KMT2D: variants seen among roughly 807,000 people sequenced by gnomAD.
KMT2D encodes the protein histone-lysine N-methyltransferase 2D.
Under a neutral mutation model 512.7 loss-of-function variants are expected in KMT2D, and 55 were observed. The ratio of observed to expected loss-of-function variants is 0.11; its 90% confidence interval spans 0.09 to 0.13. KMT2D has a LOEUF of 0.13. Among genes scored for constraint, KMT2D ranks in the 10% least tolerant of loss-of-function variants. KMT2D has a pLI of 1.00. For missense variants in KMT2D, 6,061 were observed against 7,127.9 expected (o/e 0.85, Z 5.39); for synonymous variants, 2,995 against 2,904.0 (o/e 1.03, Z -1.01).
At chr12:49,027,745 C>T (rs946961174) in intron 48 of KMT2D, 58 bp downstream of exon 48, 37 of 1,548,710 alleles carry the variant, frequency 2.4e-5, no homozygotes, top group South Asian at 1.3e-4. Context: ...TGAGCCACCG[C>T]GCCTGGCCGG....
rs2120387807 is a variant in KMT2D, at chr12:49,028,916, A to G, written c.14294T>C (p.Val4765Ala). 6.2e-7 allele frequency: 1 copy of G among 1,613,884 alleles called. No homozygotes were observed. Among genetic ancestry groups the G allele is most frequent in the African/African-American group, 1.3e-5 (1 of 74,996 alleles). ...AGTTGTGACAGGCAGCTTTCCAGGG[A>G]CCTCCAGGCCAAGGGCCCCATAAGG... ...TKPYGALGLE[V>A]PGKLPVTTWE... is the part of the protein sequence containing the mutation. Residue 4765 changes from valine (V) to alanine (A), a missense_variant, in exon 46 of 55, where the codon GTC (valine) becomes GCC (alanine). Physicochemically the swap from Val to Ala is moderately conservative, Grantham distance 64 (BLOSUM62 0). Around this residue, in one of 16 missense-constraint regions of KMT2D, gnomAD observed 1,600 missense variants for 1,754.9 expected, o/e 0.91. Coordinates refer to ENST00000301067, the MANE Select transcript of KMT2D (RefSeq NM_003482.4).
rs758824845 is a variant in KMT2D, at chr12:49,034,483, TGA to T, written c.10441-9_10441-8del. On this transcript the variant is annotated splice_polypyrimidine_tract_variant and splice_region_variant and intron_variant, in intron 37 of 54. Transcript: ENST00000301067. ...GATCACCAGCACTCCGCTCCTGCAA[TGA>T]GAGAGGCTGCTAAAGGGTCATTGTT... The T allele has an allele frequency of 4.2e-5, 68 of 1,613,266 alleles. No homozygotes were observed. The highest frequency in any genetic ancestry group is 5.5e-5 in the Non-Finnish European group (65 of 1,179,736).
chr12:49,034,704 AT>A, intron 36 of KMT2D, 38 bp from the exon 37 acceptor site: 1 of 1,607,362 alleles, frequency 6.2e-7, no homozygotes, highest in East Asian at 2.2e-5. Flanking sequence ...AGTGTTGGCA[AT>A]AAGAAAGTTG....
chr12:49,039,687 G>A lies in KMT2D; in HGVS notation c.8046+37C>T, dbSNP rs771910120. ...TCATAGGGCTGCCCCAGAGACAGGA[G>A]CGATATAGGGGGCTTAGCTCCAGGG... On this transcript the variant is annotated intron_variant, in intron 32 of 54. Transcript: ENST00000301067. This position sits in a 1 kb window ranked among gnomAD's most constrained non-coding sequence, Gnocchi z 5.0. 30 of 1,604,826 alleles carry A rather than the reference G, an allele frequency of 1.9e-5. No homozygotes were observed. Among genetic ancestry groups the A allele is most frequent in the African/African-American group, 1.3e-5 (1 of 74,792 alleles).
Position 49,040,633 on chromosome 12 carries a change from A to G in KMT2D, c.7137T>C (p.Ala2379=), listed in dbSNP as rs1291196995. The change falls in exon 32 of 55, where the codon GCT becomes GCC. Residue 2379 remains alanine, a synonymous_variant. Coordinates refer to ENST00000301067, the MANE Select transcript of KMT2D (RefSeq NM_003482.4). ...FRPGSYTDPY[A]QPPLTPRPQP... is the part of the protein sequence containing the mutation. ...GGGGCCGAGGAGTCAATGGGGGCTG[A>G]GCATATGGGTCAGTGTAGGAGCCAG... 4 of 1,613,254 alleles carry G rather than the reference A, an allele frequency of 2.5e-6. No individual in the cohort carries two copies. Among genetic ancestry groups the G allele is most frequent in the Non-Finnish European group, 3.4e-6 (4 of 1,179,682 alleles).
rs369392649 is a variant in KMT2D, at chr12:49,046,028, C to T, written c.4693+37G>A. On this transcript the variant is annotated intron_variant, in intron 18 of 54. Transcript: ENST00000301067. The surrounding 1 kb of genome is among the most constrained non-coding windows in gnomAD (Gnocchi z 4.2). ...CCTGTCCCAAAGCAAGGTACCCCTG[C>T]TCTGACTCCTCCCCCTACCCAGCAG... is the stretch of plus-strand genomic sequence containing the variant. The T allele has an allele frequency of 1.7e-5, 27 of 1,612,014 alleles. No homozygotes were observed. Among genetic ancestry groups the T allele is most frequent in the Non-Finnish European group, 2.1e-5 (25 of 1,178,738 alleles).
chr12:49,039,610 C>T lies in KMT2D; in HGVS notation c.8054G>A (p.Arg2685Gln), dbSNP rs753870260. 3 of 1,608,050 alleles carry T rather than the reference C, an allele frequency of 1.9e-6. No individual in the cohort carries two copies. Among genetic ancestry groups the T allele is most frequent in the Non-Finnish European group, 2.5e-6 (3 of 1,179,048 alleles). The change falls in exon 33 of 55, where the codon CGA (arginine) becomes CAA (glutamine). Residue 2685 changes from arginine to glutamine, a missense_variant. Arg to Gln is a conservative substitution (Grantham distance 43, BLOSUM62 1). Coordinates refer to ENST00000301067, the MANE Select transcript of KMT2D (RefSeq NM_003482.4). The surrounding 1 kb of genome is among the most constrained non-coding windows in gnomAD (Gnocchi z 5.0). ...CTGCCGAATCAGCAGCTCTCGTAGT[C>T]GCTGGCGCTATGCAAAAAAAAGAGA... Reference protein sequence around the residue: ...TELEKQRQRQRLRELLIRQQI... With the variant: ...TELEKQRQRQQLRELLIRQQI...
At chr12:49,037,063 G>A (rs567343776) in intron 35 of KMT2D, 62 bp downstream of exon 35, 2 of 1,512,230 alleles carry the variant, frequency 1.3e-6, no homozygotes, top group African/African-American at 1.4e-5. Context: ...TAGCCTCAGT[G>A]CCCATTTAGG....
chr12:49,049,688 G>T lies in KMT2D; in HGVS notation c.3900C>A (p.Ile1300=), dbSNP rs2120638215. 2 of 1,580,506 alleles carry T rather than the reference G, an allele frequency of 1.3e-6. No homozygotes were observed. The highest frequency in any genetic ancestry group is 1.7e-6 in the Non-Finnish European group (2 of 1,157,724). ...RRRSSPARSR[I]KQGRSSSFPG... is the part of the protein sequence containing the mutation. ...CAGCTAGATAGCCCCTCACCTGTTT[G>T]ATGCGGGAACGGGCTGGGGAGCTGC... The change falls in exon 12 of 55, where the codon ATC becomes ATA. Residue 1300 remains isoleucine (I), a synonymous_variant. Coordinates refer to ENST00000301067, the MANE Select transcript of KMT2D (RefSeq NM_003482.4).
rs1223112534 is a variant in KMT2D at position 49,050,712 on chromosome 12, T to C, written c.2876A>G (p.Tyr959Cys). The C allele has an allele frequency of 6.2e-7, 1 of 1,613,014 alleles. No homozygotes were observed. The highest frequency in any genetic ancestry group is 1.7e-5 in the Admixed American group (1 of 59,954). The change falls in exon 12 of 55, where the codon TAC becomes TGC. Residue 959 changes from tyrosine (Y) to cysteine (C), a missense_variant. By Grantham distance (194) the Tyr-to-Cys change is radical (BLOSUM62 -2). Transcript: ENST00000301067. ...PALSPLGELEYPFGAKGDSDP... is the reference protein window; with the variant it reads ...PALSPLGELECPFGAKGDSDP... The stretch of plus-strand genomic sequence containing the variant: ...ACTGTCCCCTTTGGCACCAAAGGGG[T>C]ACTCTAACTCCCCCAAAGGAGACAG...
rs1943277662 is a variant in KMT2D, at chr12:49,037,492, T to G, written c.9864A>C (p.Ala3288=). 6.4e-7 allele frequency: 1 copy of G among 1,559,080 alleles called. No individual in the cohort carries two copies. Among genetic ancestry groups the G allele is most frequent in the African/African-American group, 1.4e-5 (1 of 73,384 alleles). The stretch of plus-strand genomic sequence containing the variant: ...AAGACATGGCCTGGGCAGGGCCTGG[T>G]GCAGACAGTAGGGAATGCTGCTGCT... ...QQQQQHSLLS[A]PGPAQAMSLP... is the part of the protein sequence containing the mutation. The change falls in exon 35 of 55, where the codon GCA becomes GCC. Residue 3288 remains alanine, a synonymous_variant. Coordinates refer to ENST00000301067, the MANE Select transcript of KMT2D (RefSeq NM_003482.4).
chr12:49,025,177 C>T (rs970111822), intron 49 of KMT2D, among the ~76,000 whole-genome samples: 3 of 152,136 alleles, frequency 2.0e-5, no homozygotes, highest in African/African-American at 7.2e-5. Flanking sequence ...AAACCCAGGG[C>T]CCAGGAGACC....
rs760816616 is a variant in KMT2D at position 49,033,467 on chromosome 12, G to GTGC, written c.11235_11237dup (p.Gln3745dup). Reference sequence around the variant, plus strand: ...GCTGGATTGCCACCTGTCCTAGAAGGTGCTGCTGCTGCTGTTGCTGCTGCT... The same window carrying GTGC: ...GCTGGATTGCCACCTGTCCTAGAAGGTGCTGCTGCTGCTGCTGTTGCTGCTGCT... On this transcript the variant is annotated inframe_insertion, in exon 40 of 55. Coordinates refer to ENST00000301067, the MANE Select transcript of KMT2D (RefSeq NM_003482.4). 3.5e-5 allele frequency: 56 copies of GTGC among 1,606,386 alleles called. 1 individual carries two copies. The highest frequency in any genetic ancestry group is 2.5e-4 in the East Asian group (11 of 44,408).
Position 49,022,421 on chromosome 12 carries a change from C to T in KMT2D, c.16339-68G>A, listed in dbSNP as rs1465392610. 6.5e-7 allele frequency: 1 copy of T among 1,534,190 alleles called. No individual in the cohort carries two copies. The highest frequency in any genetic ancestry group is 8.9e-7 in the Non-Finnish European group (1 of 1,119,654). On this transcript the variant is annotated intron_variant, in intron 52 of 54. Transcript: ENST00000301067. The surrounding 1 kb of genome is among the most constrained non-coding windows in gnomAD (Gnocchi z 8.6). ...AGAGTGGCAGTGGTGGCTGTGGGAT[C>T]AGGTAGGAGACTCAGGCAGTGGGGG...
Position 49,033,612 on chromosome 12 carries a change from C to T in KMT2D, c.11093G>A (p.Gly3698Asp), listed in dbSNP as rs931451601. 1.2e-6 allele frequency: 2 copies of T among 1,613,588 alleles called. No individual in the cohort carries two copies. Among genetic ancestry groups the T allele is most frequent in the Non-Finnish European group, 1.7e-6 (2 of 1,179,824 alleles). ...AAGAGCAAGGTTGCCAGGGAAGAAG[C>T]CCCCTGAAGGGCCAGCCAGGGATCC... ...GAGSLAGPSG[G>D]FFPGNLALRS... Residue 3698 changes from glycine (G) to aspartate (D), a missense_variant, in exon 40 of 55, where the codon GGC (glycine) becomes GAC (aspartate). Physicochemically the swap from Gly to Asp is moderately conservative, Grantham distance 94 (BLOSUM62 -1). Around this residue, in one of 16 missense-constraint regions of KMT2D, gnomAD observed 1,600 missense variants for 1,754.9 expected, o/e 0.91. Transcript: ENST00000301067.
intron 14 of KMT2D, 30 bp from the exon 15 acceptor site, chr12:49,048,099 C>A (rs2120621563): frequency 7.0e-7 from 1 of 1,437,040 alleles, no homozygotes; most frequent in Non-Finnish European, 9.8e-7. Flanking sequence ...CCCAAATGTC[C>A]AACTAGATCT....
Position 49,033,516 on chromosome 12 carries a change from A to G in KMT2D, c.11189T>C (p.Leu3730Pro), listed in dbSNP as rs1415222980. The change falls in exon 40 of 55, where the codon CTG (leucine) becomes CCG (proline). Residue 3730 changes from leucine to proline, a missense_variant. This residue lies in a region of KMT2D where 1,600 missense variants were observed against 1,754.9 expected (regional missense o/e 0.91). Transcript: ENST00000301067. ...QLQLQQQRMQ[L>P]AQKLQQQQQQ... ...CTGCTGCTGCTGCAGTTTCTGGGCC[A>G]GCTGCATACGTTGCTGCTGCAGCTG... 1.2e-6 allele frequency: 2 copies of G among 1,612,988 alleles called. No individual in the cohort carries two copies. The highest frequency in any genetic ancestry group is 1.7e-6 in the Non-Finnish European group (2 of 1,179,670).
Position 49,027,791 on chromosome 12 carries a change from C to T in KMT2D, c.14643+12G>A, listed in dbSNP as rs186670730. ...TTTCTAACACCCACCCCTTTTTCTC[C>T]CCCAGACCTACCTGTTTCAGGAGGC... On this transcript the variant is annotated intron_variant, in intron 48 of 54. Coordinates refer to ENST00000301067, the MANE Select transcript of KMT2D (RefSeq NM_003482.4). 1,395 of 1,555,530 alleles carry T rather than the reference C, an allele frequency of 9.0e-4. 3 individuals are homozygous for T. The highest frequency in any genetic ancestry group is 1.1e-3 in the Non-Finnish European group (1,305 of 1,149,034).
intron 48 of KMT2D, 136 bp from the exon 49 acceptor site, chr12:49,027,458 CTTTTT>C (rs3837452): frequency 1.5e-6 from 1 of 647,616 alleles, no homozygotes; most frequent in African/African-American, 1.9e-5. Context: ...CTTTTCTTTT[CTTTTT>C]TTTTTGAGAC....
Sources: gnomAD v4.1 joint callset for allele counts (sites outside exome capture counted in the v4.1 genomes callset) on GRCh38, gnomAD v4.1.1 for gene constraint, gnomAD v4.1.1 regional missense constraint, Gnocchi (gnomAD v3.1) non-coding constraint, MANE v1.5 for transcripts, NCBI Gene and HGNC (gene_info 2026-07-23, HGNC 2026-07-21) for gene names.